The following FER variants were observed in gnomAD, a reference collection of about 807,000 sequenced individuals.
FER encodes the protein FER tyrosine kinase, also known as tyrosine-protein kinase Fer.
FER carries 63 observed loss-of-function variants against 111.0 expected under a neutral mutation model. The observed-to-expected ratio is 0.57, with a 90% CI of 0.46 to 0.70. FER has a LOEUF of 0.70. Among genes scored for constraint, FER ranks in the 30% least tolerant of loss-of-function variants. The pLI, the probability that FER is intolerant of heterozygous loss-of-function variation, is 0.00. For missense variants in FER, 914 were observed against 954.0 expected (o/e 0.96, Z 0.55); for synonymous variants, 327 against 313.9 (o/e 1.04, Z -0.44).
At chr5:109,042,336 A>C (rs201028695) in intron 14 of FER, among the ~76,000 whole-genome samples, 1 of 152,146 alleles carries the variant, frequency 6.6e-6, no homozygotes, top group East Asian at 1.9e-4. Context: ...CAGAATCTCA[A>C]TTCTGTCACC....
intron 17 of FER, among the ~76,000 whole-genome samples, chr5:109,153,101 A>G (rs1323092191): frequency 3.3e-5 from 5 of 151,894 alleles, no homozygotes; most frequent in Non-Finnish European, 5.9e-5. Context: ...CAGAGTCAAA[A>G]TGAAGATGAA....
chr5:109,189,644 T>C lies in FER; in HGVS notation c.*2069T>C, dbSNP rs1440631899. ...CTTCAAAAGTAAGAGTAAAATGGGA[T>C]ATTCCTACCCTTTTTTTTAGTATTT... On this transcript the variant is annotated 3_prime_UTR_variant, in exon 20 of 20. Coordinates refer to ENST00000281092, the MANE Select transcript of FER (RefSeq NM_005246.4). 1 of 152,212 alleles carries C rather than the reference T, an allele frequency of 6.6e-6. No homozygotes were observed. Among genetic ancestry groups the C allele is most frequent in the Non-Finnish European group, 1.5e-5 (1 of 68,026 alleles). The allele number at this position is 152,212 out of a possible 1,614,324, so 9.4% of individuals were successfully genotyped here. A position where few individuals can be genotyped will look rare whatever the true frequency, so the allele number is the denominator to read the frequency against.
At chr5:108,903,713 C>T (rs182321323) in intron 10 of FER, among the ~76,000 whole-genome samples, 123 of 152,178 alleles carry the variant, frequency 8.1e-4, no homozygotes, top group Admixed American at 2.6e-3. Flanking sequence ...AAAAATGTAC[C>T]TTAGTTTACA....
chr5:108,986,244 A>C (rs112535773), intron 13 of FER, among the ~76,000 whole-genome samples: 105 of 150,474 alleles, frequency 7.0e-4, no homozygotes, highest in Non-Finnish European at 1.3e-3. Flanking sequence ...TTCTGTTGAG[A>C]ATTGTCTATT....
At chr5:109,015,342 A>G (rs1055036737) in intron 13 of FER, among the ~76,000 whole-genome samples, 1 of 152,094 alleles carries the variant, frequency 6.6e-6, no homozygotes, top group African/African-American at 2.4e-5. Flanking sequence ...TTCTTTTAAA[A>G]TTGACTTTTA....
At chr5:108,859,920 C>CTATTATTATTAT (rs202162884) in intron 5 of FER, among the ~76,000 whole-genome samples, 13,246 of 141,494 alleles carry the variant, frequency 0.094, 744 homozygotes, top group African/African-American at 0.12. Flanking sequence ...ATGTATATAC[C>CTATTATTATTAT]TATTATTATT....
At chr5:108,919,691 A>G (rs139898088) in intron 10 of FER, among the ~76,000 whole-genome samples, 7 of 152,310 alleles carry the variant, frequency 4.6e-5, no homozygotes, top group Non-Finnish European at 8.8e-5. Flanking sequence ...TGAAGAGATT[A>G]AGGAACTTTA....
chr5:108,972,666 C>T (rs1760821750), intron 13 of FER, among the ~76,000 whole-genome samples: 1 of 151,940 alleles, frequency 6.6e-6, no homozygotes, highest in African/African-American at 2.4e-5. Context: ...AATATACATT[C>T]AGTAAATACT....
rs188414751 is a variant in FER at position 109,084,599 on chromosome 5, A to T, written c.1925-15797A>T. On this transcript the variant is annotated intron_variant, in intron 16 of 19. Transcript: ENST00000281092. ...TGATAAGCAAAAGTTCTTTAAAAAA[A>T]TATTTTTGGATGAAGTCCCATTATC... Among the ~76,000 whole-genome samples, 575 of 151,964 alleles carry T rather than the reference A, an allele frequency of 3.8e-3. 3 individuals are homozygous for T. Among genetic ancestry groups the T allele is most frequent in the African/African-American group, 0.013 (553 of 41,500 alleles).
chr5:108,968,282 G>A (rs1026367115), intron 13 of FER, among the ~76,000 whole-genome samples: 2 of 152,148 alleles, frequency 1.3e-5, no homozygotes, highest in African/African-American at 4.8e-5. Context: ...AACTATTTAG[G>A]AGGCTGAGGC....
intron 16 of FER, among the ~76,000 whole-genome samples, chr5:109,060,609 G>A (rs529938591): frequency 3.9e-5 from 6 of 152,064 alleles, no homozygotes; most frequent in East Asian, 3.9e-4. Context: ...GCTTGAACCC[G>A]GGAGGCGGAG....
rs1759456247 is a variant in FER, at chr5:109,192,595, A to G, written c.*5020A>G. ...CTACCCAAAGCTTCTTTACATTTGCATTGGTTATATTTAATATTTCTTAAG... is the reference window on the plus strand; with the variant it reads ...CTACCCAAAGCTTCTTTACATTTGCGTTGGTTATATTTAATATTTCTTAAG... On this transcript the variant is annotated 3_prime_UTR_variant, in exon 20 of 20. Transcript: ENST00000281092. 6.6e-6 allele frequency: 1 copy of G among 152,138 alleles called. No homozygotes were observed. The highest frequency in any genetic ancestry group is 1.5e-5 in the Non-Finnish European group (1 of 68,018). 9.4% of individuals were successfully genotyped at this position (152,138 alleles called of 1,614,324 possible). A position where few individuals can be genotyped will look rare whatever the true frequency, so the allele number is the denominator to read the frequency against.
chr5:108,975,977 T>C (rs1037613992), intron 13 of FER, among the ~76,000 whole-genome samples: 3 of 152,170 alleles, frequency 2.0e-5, no homozygotes, highest in African/African-American at 7.2e-5. Flanking sequence ...TCCAAATAGA[T>C]GTGACCTGTA....
At chr5:109,041,673 CA>C (rs1461335644) in intron 14 of FER, among the ~76,000 whole-genome samples, 3 of 152,086 alleles carry the variant, frequency 2.0e-5, no homozygotes, top group Non-Finnish European at 2.9e-5. Context: ...ATTGAAATTA[CA>C]AAGAATTAGG....
intron 3 of FER, among the ~76,000 whole-genome samples, chr5:108,817,491 A>G (rs1561462674): frequency 6.6e-6 from 1 of 152,214 alleles, no homozygotes; most frequent in Non-Finnish European, 1.5e-5. Flanking sequence ...AATTCAAGCA[A>G]AAAGAAAGCA....
chr5:109,141,435 G>A (rs1753512034), intron 17 of FER, among the ~76,000 whole-genome samples: 1 of 152,106 alleles, frequency 6.6e-6, no homozygotes, highest in South Asian at 2.1e-4. Flanking sequence ...ACTGCAAATG[G>A]CCCTCATATT....
At chr5:108,983,832 A>G (rs192176436) in intron 13 of FER, among the ~76,000 whole-genome samples, 206 of 152,276 alleles carry the variant, frequency 1.4e-3, no homozygotes, top group Non-Finnish European at 2.6e-3. Context: ...AATGCATAGA[A>G]TTATGAGACA....
chr5:109,013,437 C>A (rs184513924), intron 13 of FER, among the ~76,000 whole-genome samples: 16,660 of 151,244 alleles, frequency 0.11, 993 homozygotes, highest in Non-Finnish European at 0.14. Context: ...GCATAGTATT[C>A]CACGGTGTAT....
At chr5:108,796,713 T>C (rs560842421) in intron 2 of FER, among the ~76,000 whole-genome samples, 25 of 152,084 alleles carry the variant, frequency 1.6e-4, no homozygotes, top group African/African-American at 5.5e-4. Flanking sequence ...AGGCCCAAGT[T>C]TCCTTCAGTC....
Sources: gnomAD v4.1 joint callset for allele counts (sites outside exome capture counted in the v4.1 genomes callset) on GRCh38, gnomAD v4.1.1 for gene constraint, MANE v1.5 for transcripts, NCBI Gene and HGNC (gene_info 2026-07-23, HGNC 2026-07-21) for gene names.